The following PALM2AKAP2 variants were observed in gnomAD, a reference collection of about 807,000 sequenced individuals.
PALM2AKAP2 encodes the protein PALM2 and AKAP2 fusion.
PALM2AKAP2 carries 37 observed loss-of-function variants against 71.5 expected under a neutral mutation model. The ratio of observed to expected loss-of-function variants is 0.52; its 90% CI spans 0.40 to 0.68. The LOEUF (loss-of-function observed/expected upper bound fraction) is 0.68. PALM2AKAP2 is among the 30% of genes least tolerant of loss of function. The probability of loss-of-function intolerance (pLI) is 0.00; values close to 1 mark genes in which losing one functional copy is unlikely to be tolerated. For synonymous variants in PALM2AKAP2, 468 were observed against 478.8 expected (o/e 0.98, Z 0.29); for missense variants, 1,224 against 1,191.8 (o/e 1.03, Z -0.40).
chr9:110,075,852 T>C (rs906489330), intron 1 of PALM2AKAP2, among the ~76,000 whole-genome samples: 10 of 152,076 alleles, frequency 6.6e-5, no homozygotes, highest in African/African-American at 2.2e-4. Flanking sequence ...TGACATGTTA[T>C]ATAATTTATA....
At chr9:109,769,097 C>T (rs1180769851) in intron 1 of PALM2AKAP2, among the ~76,000 whole-genome samples, 1 of 150,646 alleles carries the variant, frequency 6.6e-6, no homozygotes, top group African/African-American at 2.5e-5. Context: ...CTTATCAGAA[C>T]CCATAAAAAT....
intron 1 of PALM2AKAP2, among the ~76,000 whole-genome samples, chr9:109,858,246 TA>T (rs1687544763): frequency 6.6e-6 from 1 of 152,236 alleles, no homozygotes; most frequent in Non-Finnish European, 1.5e-5. Context: ...GGGATAATGA[TA>T]GTACCTAACT....
chr9:110,063,229 G>A (rs895167508), intron 1 of PALM2AKAP2, among the ~76,000 whole-genome samples: 9 of 152,142 alleles, frequency 5.9e-5, no homozygotes, highest in African/African-American at 2.2e-4. Context: ...CTTAACTTTG[G>A]CAAATAAATC....
intron 3 of PALM2AKAP2, among the ~76,000 whole-genome samples, chr9:109,910,737 G>A (rs897767382): frequency 6.6e-6 from 1 of 152,022 alleles, no homozygotes; most frequent in Non-Finnish European, 1.5e-5. Flanking sequence ...ATGCAGCAGG[G>A]CGGTGAGGGC....
intron 1 of PALM2AKAP2, among the ~76,000 whole-genome samples, chr9:109,791,556 C>T (rs1827112265): frequency 6.6e-6 from 1 of 152,106 alleles, no homozygotes; most frequent in African/African-American, 2.4e-5. Flanking sequence ...AAAGATGGTA[C>T]TTCATCATGT....
intron 1 of PALM2AKAP2, among the ~76,000 whole-genome samples, chr9:109,801,301 T>C (rs980233377): frequency 1.1e-4 from 17 of 152,264 alleles, no homozygotes; most frequent in African/African-American, 4.1e-4. Flanking sequence ...AACCCAGCCT[T>C]GCAGGAGGAT....
At chr9:109,757,276 A>G (rs1410195) in intron 1 of PALM2AKAP2, among the ~76,000 whole-genome samples, 129,861 of 152,138 alleles carry the variant, frequency 0.85, 55,842 homozygotes, top group African/African-American at 0.96. Flanking sequence ...GTTCCATCAC[A>G]TTGCTTCAAG....
intron 6 of PALM2AKAP2, among the ~76,000 whole-genome samples, chr9:110,003,758 G>T (rs945778254): frequency 3.9e-5 from 6 of 152,176 alleles, no homozygotes; most frequent in African/African-American, 1.4e-4. Context: ...TCTTCTTGCT[G>T]AATTGATCCC....
chr9:109,793,386 C>T (rs1386678282), intron 1 of PALM2AKAP2, among the ~76,000 whole-genome samples: 1 of 152,164 alleles, frequency 6.6e-6, no homozygotes, highest in Non-Finnish European at 1.5e-5. Context: ...CATTGGAATG[C>T]TAGCCTTCAG....
intron 3 of PALM2AKAP2, among the ~76,000 whole-genome samples, chr9:110,157,262 C>A (rs952900431): frequency 6.6e-6 from 1 of 150,524 alleles, no homozygotes; most frequent in Admixed American, 6.7e-5. Context: ...GAAGTCATCA[C>A]CTCCTCCCCT....
intron 3 of PALM2AKAP2, among the ~76,000 whole-genome samples, chr9:109,889,015 T>G (rs1830028859): frequency 1.3e-5 from 2 of 152,174 alleles, no homozygotes; most frequent in South Asian, 4.2e-4. Context: ...AGCCTGGCAT[T>G]ATGTGTATTG....
chr9:109,925,323 C>A (rs556276865), intron 5 of PALM2AKAP2, among the ~76,000 whole-genome samples: 77 of 152,208 alleles, frequency 5.1e-4, no homozygotes, highest in Non-Finnish European at 7.1e-4. Flanking sequence ...TGGCTCTTCT[C>A]CTTCCCATTA....
At chr9:110,131,822 G>C (rs1835740468) in intron 1 of PALM2AKAP2, among the ~76,000 whole-genome samples, 1 of 152,150 alleles carries the variant, frequency 6.6e-6, no homozygotes, top group Non-Finnish European at 1.5e-5. Flanking sequence ...GGTTAAACCT[G>C]CTGCTTCCTG....
At chr9:110,074,984 CAG>C (rs759290593) in intron 1 of PALM2AKAP2, among the ~76,000 whole-genome samples, 19 of 150,136 alleles carry the variant, frequency 1.3e-4, no homozygotes, top group Non-Finnish European at 2.4e-4. Context: ...GCCTGAGCGA[CAG>C]AGTGAGACTC....
chr9:109,832,567 GTGTT>G (rs566021113), intron 1 of PALM2AKAP2, among the ~76,000 whole-genome samples: 104 of 152,186 alleles, frequency 6.8e-4, no homozygotes, highest in Non-Finnish European at 1.3e-3. Flanking sequence ...AGAAGAAACA[GTGTT>G]TGAAAGCTAA....
intron 6 of PALM2AKAP2, among the ~76,000 whole-genome samples, chr9:110,001,040 G>A (rs1832672552): frequency 6.6e-6 from 1 of 152,090 alleles, no homozygotes; most frequent in Admixed American, 6.5e-5. Context: ...TGTCAATTTT[G>A]GCTTCTGTTG....
At chr9:109,923,816 G>A in exon 4 of PALM2AKAP2, 1 of 1,598,420 alleles carries the variant, frequency 6.3e-7, no homozygotes. Context: ...AGAAACTGAA[G>A]GAAACAGAAA....
At chr9:109,821,267 C>T (rs926201458) in intron 1 of PALM2AKAP2, among the ~76,000 whole-genome samples, 1 of 152,052 alleles carries the variant, frequency 6.6e-6, no homozygotes, top group Admixed American at 6.5e-5. Flanking sequence ...ACCAACATGG[C>T]GCATGTATAC....
chr9:109,964,528 G>A (rs55735800), intron 6 of PALM2AKAP2, among the ~76,000 whole-genome samples: 6,064 of 152,182 alleles, frequency 0.04, 237 homozygotes, highest in East Asian at 0.17. Context: ...GGTTAAGGTC[G>A]CCAACTTAAC....
Sources: allele counts gnomAD v4.1 joint callset (sites outside exome capture counted in the v4.1 genomes callset), GRCh38; gene constraint gnomAD v4.1.1; transcripts MANE v1.5; gene names NCBI Gene and HGNC (gene_info 2026-07-23, HGNC 2026-07-21).